The following WDFY4 variants were observed in gnomAD, a reference collection of about 807,000 sequenced individuals.
WDFY4 encodes the protein WD repeat- and FYVE domain-containing protein 4.
In WDFY4, 169 loss-of-function variants were observed where a neutral mutation model predicts 351.9. That is an observed-to-expected ratio of 0.48 (90% CI 0.42 to 0.55). The LOEUF is 0.55. Ranked by LOEUF, WDFY4 falls within the 20% of genes least tolerant of loss-of-function variation. The pLI is 0.00. For synonymous variants in WDFY4, 1,622 were observed against 1,574.6 expected (o/e 1.03, Z -0.71); for missense variants, 3,803 against 3,935.6 (o/e 0.97, Z 0.90).
chr10:48,763,838 A>C (rs1283311819), intron 13 of WDFY4, among the ~76,000 whole-genome samples: 3 of 152,262 alleles, frequency 2.0e-5, no homozygotes, highest in Non-Finnish European at 2.9e-5. Context: ...AGCAGCTATT[A>C]AAGTTGGATA....
intron 40 of WDFY4, among the ~76,000 whole-genome samples, chr10:48,871,318 G>A (rs977766845): frequency 5.5e-4 from 83 of 152,174 alleles, no homozygotes; most frequent in African/African-American, 1.7e-3. Context: ...ATGAAGCTCC[G>A]TATGTTACTA....
chr10:48,952,281 C>T (rs1207314984), intron 51 of WDFY4, among the ~76,000 whole-genome samples: 5 of 152,214 alleles, frequency 3.3e-5, no homozygotes, highest in Non-Finnish European at 5.9e-5. Context: ...CCTCCTGGTA[C>T]CCTAAGGCTC....
At chr10:48,790,076 A>G (rs2066628579) in intron 22 of WDFY4, 91 bp downstream of exon 22, 10 of 1,299,402 alleles carry the variant, frequency 7.7e-6, no homozygotes, top group Non-Finnish European at 7.6e-6. Flanking sequence ...AGTGGTGGAC[A>G]GGATGGAGTG....
intron 39 of WDFY4, among the ~76,000 whole-genome samples, chr10:48,838,306 G>A (rs1175394035): frequency 6.6e-6 from 1 of 152,200 alleles, no homozygotes; most frequent in East Asian, 1.9e-4. Context: ...CCACCATTGG[G>A]CGCCTTGGAG....
intron 47 of WDFY4, among the ~76,000 whole-genome samples, chr10:48,929,182 A>G (rs1251522290): frequency 6.6e-6 from 1 of 152,122 alleles, no homozygotes; most frequent in African/African-American, 2.4e-5. Context: ...ATCAAGTGGA[A>G]AAGTCTCTTT....
intron 47 of WDFY4, chr10:48,910,959 T>A: frequency 3.1e-6 from 3 of 969,206 alleles, no homozygotes; most frequent in Non-Finnish European, 3.7e-6. Context: ...GAGGGAAAAT[T>A]AATTCTAAAG....
At chr10:48,929,468 A>G (rs1877803) in intron 47 of WDFY4, among the ~76,000 whole-genome samples, 139,873 of 152,164 alleles carry the variant, frequency 0.92, 65,105 homozygotes, top group East Asian at 1. Context: ...GCATGGGAGG[A>G]AGTTGATTGG....
At chr10:48,824,284 C>T (rs569771671) in intron 35 of WDFY4, 7 of 719,642 alleles carry the variant, frequency 9.7e-6, no homozygotes, top group South Asian at 1.3e-4. Context: ...GGTAACTTAG[C>T]GTCTATGGTG....
At chr10:48,788,110 C>T (rs911983156) in intron 20 of WDFY4, among the ~76,000 whole-genome samples, 17 of 151,644 alleles carry the variant, frequency 1.1e-4, no homozygotes, top group African/African-American at 3.6e-4. Context: ...CCACTGCAAC[C>T]TCTGCCTCCC....
At chr10:48,970,575 GC>G (rs1431165194) in intron 57 of WDFY4, among the ~76,000 whole-genome samples, 1 of 152,222 alleles carries the variant, frequency 6.6e-6, no homozygotes, top group African/African-American at 2.4e-5. Flanking sequence ...AGCGAGAGAT[GC>G]CGGGCCACAC....
chr10:48,938,511 G>A (rs974406067), intron 47 of WDFY4, among the ~76,000 whole-genome samples: 11 of 152,260 alleles, frequency 7.2e-5, no homozygotes, highest in Non-Finnish European at 1.3e-4. Context: ...CTTGGAACAT[G>A]CCTCTGGCTC....
At chr10:48,920,133 A>AG (rs1838923237) in intron 47 of WDFY4, among the ~76,000 whole-genome samples, 1 of 150,872 alleles carries the variant, frequency 6.6e-6, no homozygotes, top group African/African-American at 2.4e-5. Context: ...GAAAAAAAAA[A>AG]GATCTTATAA....
At chr10:48,922,589 T>A (rs1839187629) in intron 47 of WDFY4, among the ~76,000 whole-genome samples, 1 of 152,180 alleles carries the variant, frequency 6.6e-6, no homozygotes, top group South Asian at 2.1e-4. Flanking sequence ...AAATTAAACT[T>A]TATCATAGGC....
At position 48,828,882 on chromosome 10, in the gene WDFY4, C is replaced by A. The variant is rs761799091; in HGVS notation, c.6326C>A (p.Pro2109Gln). The stretch of plus-strand genomic sequence containing the variant: ...GTGAAAGAAAAAAGAGAAGACTTAC[C>A]AAGTTTGAGTGATGGTACATTTTAT... ...EDVKEKREDL[P>Q]SLSDVQHNIQ... is the part of the protein sequence containing the mutation. The change falls in exon 37 of 62, where the codon CCA becomes CAA. Residue 2109 changes from proline (P) to glutamine (Q), a missense_variant. Pro to Gln is a moderately conservative substitution (Grantham distance 76). Around this residue, in one of 3 missense-constraint regions of WDFY4, gnomAD observed 3,054 missense variants for 3,148.6 expected, o/e 0.97. Transcript: ENST00000325239. The A allele has an allele frequency of 2.0e-5, 27 of 1,352,454 alleles. 2 individuals carry two copies. In the South Asian group the frequency reaches 2.8e-4, roughly 14 times the overall value. The allele number at this position is 1,352,454 out of a possible 1,614,324, so 83.8% of individuals were successfully genotyped here.
intron 47 of WDFY4, among the ~76,000 whole-genome samples, chr10:48,908,234 C>T (rs986813723): frequency 1.3e-5 from 2 of 152,222 alleles, no homozygotes; most frequent in African/African-American, 4.8e-5. Context: ...GCTTCCACAA[C>T]CTTTATGCTC....
chr10:48,901,966 C>A, intron 47 of WDFY4, 103 bp downstream of exon 47: 3 of 1,043,820 alleles, frequency 2.9e-6, no homozygotes, highest in South Asian at 1.4e-5. Flanking sequence ...AGAGCATGCC[C>A]AACAGTTTCC....
In WDFY4 at chr10:48,811,503, C is replaced by T. The variant is rs1355612541; in HGVS notation, c.5045-36C>T. 1.3e-5 allele frequency: 20 copies of T among 1,546,420 alleles called. No homozygotes were observed. In the South Asian group the frequency reaches 1.4e-4, roughly 11 times the overall value. On this transcript the variant is annotated intron_variant, in intron 29 of 61. Transcript: ENST00000325239. Reference sequence around the variant, plus strand: ...CCCCACCTTGACCAGCAGCTGTTCTCAGCTGACTTTTGTGCCCCCTTTGCC... The same window carrying T: ...CCCCACCTTGACCAGCAGCTGTTCTTAGCTGACTTTTGTGCCCCCTTTGCC...
intron 43 of WDFY4, among the ~76,000 whole-genome samples, chr10:48,890,134 G>A (rs1229234156): frequency 6.6e-6 from 1 of 152,234 alleles, no homozygotes; most frequent in East Asian, 1.9e-4. Flanking sequence ...GTGGTTCTAG[G>A]CACATTTGAA....
chr10:48,840,051 G>A (rs558847817), intron 39 of WDFY4, among the ~76,000 whole-genome samples: 36 of 152,178 alleles, frequency 2.4e-4, no homozygotes, highest in Non-Finnish European at 4.6e-4. Flanking sequence ...ATTTCCAGAC[G>A]GGATATCCAT....
Sources: allele counts gnomAD v4.1 joint callset (sites outside exome capture counted in the v4.1 genomes callset), GRCh38; gene constraint gnomAD v4.1.1; regional missense constraint gnomAD v4.1.1; transcripts MANE v1.5; gene names NCBI Gene and HGNC (gene_info 2026-07-23, HGNC 2026-07-21).